PRKG1: variants seen among roughly 807,000 people sequenced by gnomAD.
The protein encoded by PRKG1 is protein kinase cGMP-dependent 1.
In PRKG1, 35 loss-of-function variants were observed where a neutral mutation model predicts 88.1. The observed-to-expected ratio is 0.40, with a 90% CI of 0.30 to 0.53. The LOEUF is 0.53. Ranked by LOEUF, PRKG1 falls within the 20% of genes least tolerant of loss-of-function variation. The pLI is 0.59. For synonymous variants in PRKG1, 303 were observed against 292.5 expected, an observed-to-expected ratio of 1.04 and a Z score of -0.37; for missense variants, 540 against 839.8, an observed-to-expected ratio of 0.64 and a Z score of 4.41.
chr10:51,839,849 AC>A (rs1448009997), intron 4 of PRKG1, among the ~76,000 whole-genome samples: 1 of 152,172 alleles, frequency 6.6e-6, no homozygotes, highest in African/African-American at 2.4e-5. Context: ...AGTATTAGTT[AC>A]CCATTTGAAT....
chr10:51,657,106 G>A (rs1034626261), intron 3 of PRKG1, among the ~76,000 whole-genome samples: 1 of 152,136 alleles, frequency 6.6e-6, no homozygotes, highest in Admixed American at 6.6e-5. Context: ...TGTTTATTAG[G>A]TAGTAGGTGG....
intron 5 of PRKG1, among the ~76,000 whole-genome samples, chr10:51,933,418 C>T (rs557355531): frequency 1.1e-4 from 17 of 151,996 alleles, no homozygotes; most frequent in African/African-American, 2.4e-4. Flanking sequence ...GCATAGGATG[C>T]GCCAACAATC....
chr10:51,181,706 A>G (rs926945143), intron 2 of PRKG1, among the ~76,000 whole-genome samples: 21 of 152,340 alleles, frequency 1.4e-4, no homozygotes, highest in African/African-American at 4.1e-4. Flanking sequence ...TTACCCTCAC[A>G]GCATCCCTAA....
chr10:52,172,613 A>T (rs1310938963), intron 9 of PRKG1, among the ~76,000 whole-genome samples: 1 of 152,236 alleles, frequency 6.6e-6, no homozygotes, highest in Non-Finnish European at 1.5e-5. Flanking sequence ...CATTTGAAAA[A>T]ATAATTATCT....
chr10:51,625,526 C>T (rs1439254526), intron 3 of PRKG1, among the ~76,000 whole-genome samples: 5 of 151,916 alleles, frequency 3.3e-5, no homozygotes, highest in Non-Finnish European at 7.4e-5. Flanking sequence ...GAAATAAATT[C>T]GTGGCTTACC....
At chr10:51,797,351 A>G (rs1219803634) in intron 3 of PRKG1, among the ~76,000 whole-genome samples, 2 of 146,874 alleles carry the variant, frequency 1.4e-5, no homozygotes, top group African/African-American at 2.5e-5. Flanking sequence ...AAATTTTGTT[A>G]TATATATAAG....
intron 2 of PRKG1, among the ~76,000 whole-genome samples, chr10:51,433,090 G>T (rs1181541013): frequency 6.6e-6 from 1 of 152,114 alleles, no homozygotes; most frequent in Non-Finnish European, 1.5e-5. Flanking sequence ...GATTCTTGAT[G>T]CATGTCTTCT....
intron 2 of PRKG1, among the ~76,000 whole-genome samples, chr10:51,309,570 T>G (rs555270428): frequency 1.4e-3 from 220 of 152,254 alleles, no homozygotes; most frequent in Middle Eastern, 3.4e-3. Flanking sequence ...TTAGGATGGC[T>G]ATTACTAAAA....
intron 4 of PRKG1, among the ~76,000 whole-genome samples, chr10:51,873,335 G>A (rs1564687081): frequency 6.6e-6 from 1 of 151,824 alleles, no homozygotes; most frequent in African/African-American, 2.4e-5. Flanking sequence ...TGCTTTTCTT[G>A]TTGATATTAA....
chr10:52,057,492 A>G (rs1263271014), intron 6 of PRKG1, among the ~76,000 whole-genome samples: 1 of 152,190 alleles, frequency 6.6e-6, no homozygotes, highest in Non-Finnish European at 1.5e-5. Context: ...ATTCCTGCAT[A>G]TGTCCCTGCA....
At chr10:51,859,776 C>CA (rs1284808604) in intron 4 of PRKG1, among the ~76,000 whole-genome samples, 1 of 152,078 alleles carries the variant, frequency 6.6e-6, no homozygotes, top group Admixed American at 6.6e-5. Flanking sequence ...ATTTCCCATA[C>CA]AAAAAAATTC....
At chr10:52,071,298 G>T (rs187311308) in intron 7 of PRKG1, among the ~76,000 whole-genome samples, 14 of 152,138 alleles carry the variant, frequency 9.2e-5, no homozygotes, top group Admixed American at 7.2e-4. Flanking sequence ...CTCCATCTCT[G>T]CCTCCCCTCT....
chr10:52,156,771 C>G (rs918293456), intron 8 of PRKG1, among the ~76,000 whole-genome samples: 2 of 151,704 alleles, frequency 1.3e-5, no homozygotes, highest in Admixed American at 6.6e-5. Flanking sequence ...AATGAAGGAT[C>G]CCTCTGAAAC....
chr10:50,991,457 T>C lies in PRKG1; in HGVS notation c.79T>C (p.Ser27Pro). ...GATCAAAGAGCTGGAGAAGCGGCTG[T>C]CAGAGAAGGAGGAAGAAATTCAGGA... is the stretch of plus-strand genomic sequence containing the variant. Residue 27 changes from serine to proline, a missense_variant, in exon 1 of 18, where the codon TCA becomes CCA. By Grantham distance (74) the Ser-to-Pro change is moderately conservative. Coordinates refer to the PRKG1 transcript ENST00000401604. The surrounding 1 kb of genome is among the most constrained non-coding windows in gnomAD (Gnocchi z 4.5). 6.2e-7 allele frequency: 1 copy of C among 1,605,818 alleles called. No homozygotes were observed. Among genetic ancestry groups the C allele is most frequent in the Non-Finnish European group, 8.5e-7 (1 of 1,176,642 alleles).
intron 2 of PRKG1, among the ~76,000 whole-genome samples, chr10:51,221,421 A>G (rs1333004517): frequency 6.6e-6 from 1 of 152,086 alleles, no homozygotes; most frequent in African/African-American, 2.4e-5. Context: ...ATTAATTAAA[A>G]TGATAAGTTT....
At chr10:52,089,804 C>T (rs150309701) in intron 7 of PRKG1, among the ~76,000 whole-genome samples, 13 of 67,732 alleles carry the variant, frequency 1.9e-4, no homozygotes, top group African/African-American at 5.4e-4. Flanking sequence ...TTCTTTCCTT[C>T]TTTTTTTTTT....
At chr10:51,467,654 C>A in intron 2 of PRKG1, 69 bp from the exon 3 acceptor site, 1 of 1,292,824 alleles carries the variant, frequency 7.7e-7, no homozygotes, top group African/African-American at 1.5e-5. Context: ...CTCCTCTTCA[C>A]ATTAAAAATG....
intron 3 of PRKG1, among the ~76,000 whole-genome samples, chr10:51,526,820 T>C (rs771051826): frequency 2.0e-5 from 3 of 152,208 alleles, no homozygotes; most frequent in Non-Finnish European, 2.9e-5. Flanking sequence ...TTTTCAGGTG[T>C]TCTGTACTGT....
intron 8 of PRKG1, among the ~76,000 whole-genome samples, chr10:52,146,282 A>G (rs1337848099): frequency 6.6e-6 from 1 of 152,156 alleles, no homozygotes; most frequent in East Asian, 1.9e-4. Context: ...TAACCCTACC[A>G]TTCAAAGGGA....
Sources: gnomAD v4.1 joint callset for allele counts (sites outside exome capture counted in the v4.1 genomes callset) on GRCh38, gnomAD v4.1.1 for gene constraint, Gnocchi (gnomAD v3.1) non-coding constraint, MANE v1.5 for transcripts, NCBI Gene and HGNC (gene_info 2026-07-23, HGNC 2026-07-21) for gene names.